The following CELF2 variants were observed in gnomAD, a reference collection of about 807,000 sequenced individuals.
CELF2 encodes the protein CUG triplet repeat RNA-binding protein 2.
Under a neutral mutation model 62.6 loss-of-function variants are expected in CELF2, and 8 were observed. The ratio of observed to expected loss-of-function variants is 0.13; its 90% CI spans 0.07 to 0.23. The LOEUF is 0.23. Among genes scored for constraint, CELF2 ranks in the 10% least tolerant of loss-of-function variants. CELF2 has a pLI of 1.00. For synonymous variants in CELF2, 258 were observed against 250.0 expected, an observed-to-expected ratio of 1.03 and a Z score of -0.30; for missense variants, 333 against 671.0, an observed-to-expected ratio of 0.50 and a Z score of 5.56.
At position 11,046,077 on chromosome 10, in the gene CELF2, C is replaced by A. The variant is rs998568298; in HGVS notation, c.74+27914C>A. Reference sequence around the variant, plus strand: ...TGAAGAGTTTGAACATACAGGGAGACCAGCTGACTTGAGCTGTCTACACCT... The same window carrying A: ...TGAAGAGTTTGAACATACAGGGAGAACAGCTGACTTGAGCTGTCTACACCT... On this transcript the variant is annotated intron_variant, in intron 1 of 12. Transcript: ENST00000633077. The surrounding 1 kb of genome is among the most constrained non-coding windows in gnomAD (Gnocchi z 4.6). Among the ~76,000 whole-genome samples the A allele has an allele frequency of 6.6e-6, 1 of 152,136 alleles. No homozygotes were observed. The highest frequency in any genetic ancestry group is 2.4e-5 in the African/African-American group (1 of 41,412).
the CELF2 span, among the ~76,000 whole-genome samples, chr10:10,653,977 T>C: frequency 4.0e-5 from 6 of 151,396 alleles, no homozygotes; most frequent in Non-Finnish European, 7.4e-5. Context: ...CTAGCAAGAC[T>C]AATAAAGAAA....
chr10:10,909,894 T>A (rs1472985728), intron 1 of CELF2, among the ~76,000 whole-genome samples: 2 of 152,198 alleles, frequency 1.3e-5, no homozygotes, highest in African/African-American at 4.8e-5. Flanking sequence ...TCTAATAATA[T>A]CCAGCATGTA....
the CELF2 span, among the ~76,000 whole-genome samples, chr10:10,782,812 C>T: frequency 6.6e-6 from 1 of 152,164 alleles, no homozygotes; most frequent in Non-Finnish European, 1.5e-5. Context: ...TCTCAGCCAT[C>T]GTGCCCCCTG....
the CELF2 span, among the ~76,000 whole-genome samples, chr10:10,642,355 C>T: frequency 6.6e-6 from 1 of 152,204 alleles, no homozygotes; most frequent in Admixed American, 6.5e-5. Flanking sequence ...AGTCCCAAAG[C>T]CAGGCTGGTT....
chr10:11,013,846 T>G (rs142675069), upstream of CELF2, among the ~76,000 whole-genome samples: 1 of 152,258 alleles, frequency 6.6e-6, no homozygotes, highest in East Asian at 1.9e-4. This position sits in a 1 kb window ranked among gnomAD's most constrained non-coding sequence, Gnocchi z 4.1. Context: ...CAAGAAGAGA[T>G]AGGCTTACAA....
In CELF2 at chr10:11,255,680, C is replaced by A. The variant is rs1565583931; in HGVS notation, c.404-2058C>A. On this transcript the variant is annotated intron_variant, in intron 4 of 12. Coordinates refer to ENST00000633077, the MANE Select transcript of CELF2 (RefSeq NM_001326342.2). This position sits in a 1 kb window ranked among gnomAD's most constrained non-coding sequence, Gnocchi z 5.5. ...AGAGCTGGGTGGAAGGGATTCTGAC[C>A]CCCCACTCACCGTCCCTGCCTCAAG... 6.6e-6 allele frequency among the ~76,000 whole-genome samples: 1 copy of A among 151,998 alleles called. No individual in the cohort carries two copies. The highest frequency in any genetic ancestry group is 1.5e-5 in the Non-Finnish European group (1 of 67,998).
the CELF2 span, among the ~76,000 whole-genome samples, chr10:10,696,600 G>T: frequency 6.6e-6 from 1 of 151,988 alleles, no homozygotes; most frequent in African/African-American, 2.4e-5. Context: ...CCCTCCCCCA[G>T]CCTCGCTGCG....
At chr10:10,469,208 G>A in the CELF2 span, among the ~76,000 whole-genome samples, 1 of 151,786 alleles carries the variant, frequency 6.6e-6, no homozygotes, top group Non-Finnish European at 1.5e-5. Flanking sequence ...ATGTTATCGT[G>A]CATATTTTAA....
chr10:10,578,303 C>T, the CELF2 span, among the ~76,000 whole-genome samples: 1 of 152,110 alleles, frequency 6.6e-6, no homozygotes, highest in Non-Finnish European at 1.5e-5. Flanking sequence ...TTCTCCCATT[C>T]TATAGGTTGC....
At chr10:10,471,545 C>T in the CELF2 span, among the ~76,000 whole-genome samples, 1 of 151,376 alleles carries the variant, frequency 6.6e-6, no homozygotes, top group African/African-American at 2.4e-5. Context: ...AAACTTAACC[C>T]AATGTACTCA....
chr10:10,805,632 T>C (rs1012922344), intron 1 of CELF2, among the ~76,000 whole-genome samples: 4 of 152,124 alleles, frequency 2.6e-5, no homozygotes, highest in African/African-American at 9.7e-5. Flanking sequence ...AGTCTTTTAA[T>C]GAGGGGGGGA....
chr10:10,479,007 A>T, the CELF2 span, among the ~76,000 whole-genome samples: 1 of 152,134 alleles, frequency 6.6e-6, no homozygotes, highest in Non-Finnish European at 1.5e-5. Flanking sequence ...TTCTCCTGGC[A>T]TTATCTGACT....
At chr10:11,310,074 A>C (rs1215267876) in intron 9 of CELF2, among the ~76,000 whole-genome samples, 2 of 152,150 alleles carry the variant, frequency 1.3e-5, no homozygotes, top group Non-Finnish European at 2.9e-5. Context: ...AGTGAGATGG[A>C]GTGAATGGGA....
chr10:11,275,053 G>C lies in CELF2; in HGVS notation c.778-4G>C. ...CCACTTTGCCCTTGTGTGTTCATCCGCAGCTCCTGCAGCAGGCCACCTCCT... is the reference window on the plus strand; with the variant it reads ...CCACTTTGCCCTTGTGTGTTCATCCCCAGCTCCTGCAGCAGGCCACCTCCT... On this transcript the variant is annotated splice_polypyrimidine_tract_variant and splice_region_variant and intron_variant, in intron 7 of 12. Transcript: ENST00000633077. The C allele has an allele frequency of 6.2e-7, 1 of 1,613,978 alleles. No individual in the cohort carries two copies. Among genetic ancestry groups the C allele is most frequent in the Non-Finnish European group, 8.5e-7 (1 of 1,179,926 alleles).
intron 2 of CELF2, among the ~76,000 whole-genome samples, chr10:10,950,769 G>A (rs560885926): frequency 6.6e-6 from 1 of 152,354 alleles, no homozygotes; most frequent in African/African-American, 2.4e-5. Flanking sequence ...CAGTTAAAGT[G>A]TCTAAGACAG....
chr10:11,113,554 A>G (rs1595537192), intron 1 of CELF2, among the ~76,000 whole-genome samples: 1 of 152,348 alleles, frequency 6.6e-6, no homozygotes, highest in East Asian at 1.9e-4. Flanking sequence ...CTGGCTGGAG[A>G]GAAGGTCTTC....
chr10:10,637,288 G>C, the CELF2 span, among the ~76,000 whole-genome samples: 1 of 152,040 alleles, frequency 6.6e-6, no homozygotes, highest in Non-Finnish European at 1.5e-5. Flanking sequence ...AGACTCCCAG[G>C]AACAGAGACA....
chr10:10,866,471 G>A (rs939378376), intron 1 of CELF2, among the ~76,000 whole-genome samples: 1 of 151,888 alleles, frequency 6.6e-6, no homozygotes, highest in African/African-American at 2.4e-5. Flanking sequence ...CAGGCATGGT[G>A]ACACACGCCT....
chr10:10,927,523 G>A (rs1355023809), intron 2 of CELF2, among the ~76,000 whole-genome samples: 2 of 151,846 alleles, frequency 1.3e-5, no homozygotes, highest in Admixed American at 1.3e-4. Context: ...GAACTCCTGG[G>A]CTCAAGTGAT....
Sources: allele counts gnomAD v4.1 joint callset (sites outside exome capture counted in the v4.1 genomes callset), GRCh38; gene constraint gnomAD v4.1.1; non-coding constraint Gnocchi (gnomAD v3.1); transcripts MANE v1.5; gene names NCBI Gene and HGNC (gene_info 2026-07-23, HGNC 2026-07-21).